The following ALKBH8 variants were observed in gnomAD, a reference collection of about 807,000 sequenced individuals.
ALKBH8 encodes alkB homolog 8, tRNA methyltransferase.
In ALKBH8, 36 loss-of-function variants were observed where a neutral mutation model predicts 59.8. That is an observed-to-expected ratio of 0.60 (90% CI 0.46 to 0.79). The LOEUF (loss-of-function observed/expected upper bound fraction) is 0.79, where lower values mean the gene tolerates loss of function less well. ALKBH8 is among the 30% of genes least tolerant of loss of function. The pLI, the probability that ALKBH8 is intolerant of heterozygous loss-of-function variation, is 0.00. For missense variants in ALKBH8, 768 were observed against 801.0 expected (o/e 0.96, Z 0.50); for synonymous variants, 276 against 273.6 (o/e 1.01, Z -0.09).
At chr11:107,560,649 G>T in intron 2 of ALKBH8, 116 bp downstream of exon 2, 1 of 972,632 alleles carries the variant, frequency 1.0e-6, no homozygotes, top group Non-Finnish European at 1.5e-6. Flanking sequence ...CCTCTAATAT[G>T]GATGTAACAC....
intron 7 of ALKBH8, among the ~76,000 whole-genome samples, chr11:107,547,782 C>A (rs1338135018): frequency 6.6e-6 from 1 of 152,194 alleles, no homozygotes; most frequent in African/African-American, 2.4e-5. Context: ...ATAACTTATG[C>A]ACACTTTCCA....
At position 107,560,889 on chromosome 11, in the gene ALKBH8, T is replaced by C; in HGVS notation, c.5A>G (p.Asp2Gly). 1 of 1,609,020 alleles carries C rather than the reference T, an allele frequency of 6.2e-7. No individual in the cohort carries two copies. Among genetic ancestry groups the C allele is most frequent in the East Asian group, 2.2e-5 (1 of 44,758 alleles). M[D>G]SNHQSNYKLS... ...TTTGTAATTACTTTGATGGTTGCTG[T>C]CCATAGCAAACTGTAAAAAAACAAG... is the stretch of plus-strand genomic sequence containing the variant. The change falls in exon 2 of 12, where the codon GAC (aspartate) becomes GGC (glycine). Residue 2 changes from aspartate (D) to glycine (G), a missense_variant. Physicochemically the swap from Asp to Gly is moderately conservative, Grantham distance 94. Transcript: ENST00000428149.
intron 8 of ALKBH8, among the ~76,000 whole-genome samples, chr11:107,529,197 T>C (rs1032226922): frequency 6.6e-6 from 1 of 152,106 alleles, no homozygotes; most frequent in Non-Finnish European, 1.5e-5. Flanking sequence ...CCTTCAAAAA[T>C]AAGGACAAAA....
intron 6 of ALKBH8, among the ~76,000 whole-genome samples, chr11:107,551,009 A>G (rs1014420422): frequency 6.6e-6 from 1 of 152,230 alleles, no homozygotes; most frequent in African/African-American, 2.4e-5. Context: ...TGATTGCTAT[A>G]AACGTCAGAT....
At chr11:107,519,647 G>C (rs1863024678) in intron 10 of ALKBH8, among the ~76,000 whole-genome samples, 1 of 152,146 alleles carries the variant, frequency 6.6e-6, no homozygotes, top group African/African-American at 2.4e-5. Context: ...CATACTGGTT[G>C]AGAGTCCCTA....
At chr11:107,538,146 A>C (rs1487428540) in intron 7 of ALKBH8, among the ~76,000 whole-genome samples, 1 of 151,936 alleles carries the variant, frequency 6.6e-6, no homozygotes, top group Admixed American at 6.6e-5. Context: ...ATTTTATTAC[A>C]GATTTTCTGT....
intron 8 of ALKBH8, among the ~76,000 whole-genome samples, chr11:107,526,241 G>C (rs1863349782): frequency 6.6e-6 from 1 of 151,946 alleles, no homozygotes; most frequent in Non-Finnish European, 1.5e-5. Flanking sequence ...CAATATATGA[G>C]AGAGTTCCAG....
At chr11:107,539,098 G>A (rs1863934119) in intron 7 of ALKBH8, among the ~76,000 whole-genome samples, 1 of 152,198 alleles carries the variant, frequency 6.6e-6, no homozygotes, top group Non-Finnish European at 1.5e-5. Context: ...AAACAGCAAA[G>A]AGGAAATTCC....
chr11:107,520,559 C>G (rs1863066737), intron 10 of ALKBH8, among the ~76,000 whole-genome samples: 1 of 152,132 alleles, frequency 6.6e-6, no homozygotes, highest in Non-Finnish European at 1.5e-5. Flanking sequence ...TACTGAGAAA[C>G]ATTTTTGGAC....
At chr11:107,556,664 C>T (rs1194502932) in intron 3 of ALKBH8, 102 bp downstream of exon 3, 2 of 782,546 alleles carry the variant, frequency 2.6e-6, no homozygotes, top group African/African-American at 1.8e-5. Flanking sequence ...TGCTAACCTG[C>T]TTCCTCATTT....
chr11:107,558,928 T>C (rs1279147613), intron 2 of ALKBH8, among the ~76,000 whole-genome samples: 1 of 152,222 alleles, frequency 6.6e-6, no homozygotes, highest in Non-Finnish European at 1.5e-5. Context: ...ACATCCGATA[T>C]GGTTTGGCGT....
intron 2 of ALKBH8, among the ~76,000 whole-genome samples, chr11:107,559,654 T>C (rs538386032): frequency 6.6e-6 from 1 of 152,242 alleles, no homozygotes; most frequent in Non-Finnish European, 1.5e-5. Context: ...GTAAAGTGTA[T>C]GCAAACATAT....
rs956589280 is a variant in ALKBH8, at chr11:107,554,089, C to T, written c.368-111G>A. On this transcript the variant is annotated intron_variant, in intron 3 of 11. Transcript: ENST00000428149. ...TCACAAAACTTCAAATCCTCATTTT[C>T]GGAAACAAGATTGCTGAAAGGCACC... 1.3e-4 allele frequency: 182 copies of T among 1,367,376 alleles called. No homozygotes were observed. In the African/African-American group the frequency reaches 2.2e-3, roughly 16 times the overall value. The allele number at this position is 1,367,376 out of a possible 1,614,324, so 84.7% of individuals were successfully genotyped here.
chr11:107,547,322 C>T (rs1463952080), intron 7 of ALKBH8, among the ~76,000 whole-genome samples: 1 of 152,186 alleles, frequency 6.6e-6, no homozygotes, highest in Non-Finnish European at 1.5e-5. Flanking sequence ...TAAAACAGAA[C>T]AGCACAAGTT....
At chr11:107,545,438 A>G (rs1488623907) in intron 7 of ALKBH8, among the ~76,000 whole-genome samples, 3 of 152,224 alleles carry the variant, frequency 2.0e-5, no homozygotes, top group Non-Finnish European at 2.9e-5. Flanking sequence ...TCAGTACCCT[A>G]TGACTCAACA....
At chr11:107,532,211 C>G in intron 8 of ALKBH8, 89 bp downstream of exon 8, 1 of 1,041,558 alleles carries the variant, frequency 9.6e-7, no homozygotes, top group Non-Finnish European at 1.4e-6. Context: ...CCTCAATCTG[C>G]AGGCACAGGG....
At chr11:107,528,569 T>C (rs1240800960) in intron 8 of ALKBH8, among the ~76,000 whole-genome samples, 1 of 152,196 alleles carries the variant, frequency 6.6e-6, no homozygotes, top group Non-Finnish European at 1.5e-5. Flanking sequence ...GAAGCTCTTG[T>C]TAGCAAGCTA....
chr11:107,518,818 G>GTTT (rs1565318567), intron 10 of ALKBH8, among the ~76,000 whole-genome samples: 3 of 151,756 alleles, frequency 2.0e-5, no homozygotes, highest in African/African-American at 4.8e-5. Flanking sequence ...GTAAATCTCT[G>GTTT]GGGCTCTCAG....
intron 7 of ALKBH8, among the ~76,000 whole-genome samples, chr11:107,534,757 C>CTTTTTTTTTTTTTTTTT (rs35760148): frequency 6.8e-6 from 1 of 147,896 alleles, no homozygotes; most frequent in Non-Finnish European, 1.5e-5. Context: ...CATTCCTCAT[C>CTTTTTTTTTTTTTTTTT]TTTTTTTTTT....
Sources: gnomAD v4.1 joint callset for allele counts (sites outside exome capture counted in the v4.1 genomes callset) on GRCh38, gnomAD v4.1.1 for gene constraint, MANE v1.5 for transcripts, NCBI Gene and HGNC (gene_info 2026-07-23, HGNC 2026-07-21) for gene names.